Variants in SP9 observed in about 807,000 individuals in gnomAD.
SP9 encodes transcription factor Sp9.
SP9 carries 5 observed loss-of-function variants against 23.0 expected under a neutral mutation model. That is an observed-to-expected ratio of 0.22 (90% CI 0.11 to 0.46). The LOEUF (loss-of-function observed/expected upper bound fraction) is 0.46, where lower values mean the gene tolerates loss of function less well. Ranked by LOEUF, SP9 falls within the 20% of genes least tolerant of loss-of-function variation. The pLI, the probability that SP9 is intolerant of heterozygous loss-of-function variation, is 0.99. For missense variants in SP9, 542 were observed against 724.0 expected (o/e 0.75, Z 2.88); for synonymous variants, 360 against 356.5 (o/e 1.01, Z -0.11).
rs1684409775 is a variant in SP9 at position 174,336,266 on chromosome 2, T to A, written c.181T>A (p.Ser61Thr). The change falls in exon 2 of 2, where the codon TCC becomes ACC. Residue 61 changes from serine to threonine, a missense_variant. Ser to Thr is a moderately conservative substitution (Grantham distance 58). Around this residue, in one of 8 missense-constraint regions of SP9, gnomAD observed 201 missense variants for 226.3 expected, o/e 0.89. Transcript: ENST00000394967. ...CTCCTCGTCCAGCTGCAACCTCGGC[T>A]CCAGCCTCTCGGGCTTCGCGGTGGC... The part of the protein sequence containing the change: ...KRSSSSCNLG[S>T]SLSGFAVATG... 1 of 1,540,334 alleles carries A rather than the reference T, an allele frequency of 6.5e-7. No homozygotes were observed. Among genetic ancestry groups the A allele is most frequent in the African/African-American group, 1.4e-5 (1 of 71,634 alleles).
At position 174,336,239 on chromosome 2, in the gene SP9, C is replaced by G. The variant is rs776179735; in HGVS notation, c.154C>G (p.Arg52Gly). 47 of 1,547,818 alleles carry G rather than the reference C, an allele frequency of 3.0e-5. No homozygotes were observed. Among genetic ancestry groups the G allele is most frequent in the Non-Finnish European group, 3.9e-5 (45 of 1,145,674 alleles). Reference sequence around the variant, plus strand: ...CAAAGGCGGCTTTCACCCCTGGAAGCGCTCCTCGTCCAGCTGCAACCTCGG... The same window carrying G: ...CAAAGGCGGCTTTCACCCCTGGAAGGGCTCCTCGTCCAGCTGCAACCTCGG... Reference protein sequence around the residue: ...FAKGGFHPWKRSSSSCNLGSS... With the variant: ...FAKGGFHPWKGSSSSCNLGSS... The change falls in exon 2 of 2, where the codon CGC becomes GGC. Residue 52 changes from arginine to glycine, a missense_variant. Arg to Gly is a moderately radical substitution (Grantham distance 125). Around this residue, in one of 8 missense-constraint regions of SP9, gnomAD observed 201 missense variants for 226.3 expected, o/e 0.89. Transcript: ENST00000394967.
Position 174,336,202 on chromosome 2 carries a change from G to A in SP9, c.117G>A (p.Ser39=), listed in dbSNP as rs182685567. The A allele has an allele frequency of 2.9e-4, 448 of 1,550,388 alleles. No homozygotes were observed. The African/African-American group carries it at 5.6e-3, about 19-fold the overall frequency. Reference sequence around the variant, plus strand: ...GCCCGCTGACGACGCTGCCAGAGTCGAGCGCCTTCGCCAAAGGCGGCTTTC... The same window carrying A: ...GCCCGCTGACGACGCTGCCAGAGTCAAGCGCCTTCGCCAAAGGCGGCTTTC... ...NTSPLTTLPE[S]SAFAKGGFHP... Residue 39 remains serine, a synonymous_variant, in exon 2 of 2, where the codon TCG becomes TCA. Coordinates refer to ENST00000394967, the MANE Select transcript of SP9 (RefSeq NM_001145250.2).
At position 174,338,120 on chromosome 2, in the gene SP9, A is replaced by G. The variant is rs1306340476; in HGVS notation, c.*580A>G. 6.6e-6 allele frequency: 1 copy of G among 152,222 alleles called. No homozygotes were observed. Among genetic ancestry groups the G allele is most frequent in the East Asian group, 1.9e-4 (1 of 5,196 alleles). 9.4% of individuals were successfully genotyped at this position (152,222 alleles called of 1,614,324 possible). ...CTGCCTGATATCTACTTACAATGAG[A>G]CTTTTTTCCTAAAAAAGGAAGCATC... is the stretch of plus-strand genomic sequence containing the variant. On this transcript the variant is annotated 3_prime_UTR_variant, in exon 2 of 2. Coordinates refer to ENST00000394967, the MANE Select transcript of SP9 (RefSeq NM_001145250.2).
At position 174,337,275 on chromosome 2, in the gene SP9, G is replaced by T; in HGVS notation, c.1190G>T (p.Cys397Phe). 1 of 1,561,034 alleles carries T rather than the reference G, an allele frequency of 6.4e-7. No individual in the cohort carries two copies. Among genetic ancestry groups the T allele is most frequent in the Non-Finnish European group, 8.7e-7 (1 of 1,152,696 alleles). Residue 397 changes from cysteine (C) to phenylalanine (F), a missense_variant, in exon 2 of 2, where the codon TGC becomes TTC. Around this residue, in one of 8 missense-constraint regions of SP9, gnomAD observed 31 missense variants for 16.7 expected, o/e 1.85. Transcript: ENST00000394967. Reference sequence around the variant, plus strand: ...GAGAAGCGCTTCGCCTGTCCGGTGTGCAACAAGCGCTTCATGCGCAGCGAC... The same window carrying T: ...GAGAAGCGCTTCGCCTGTCCGGTGTTCAACAAGCGCTTCATGCGCAGCGAC... The part of the protein sequence containing the change: ...TGEKRFACPV[C>F]NKRFMRSDHL...
At position 174,336,678 on chromosome 2, in the gene SP9, G is replaced by T; in HGVS notation, c.593G>T (p.Gly198Val). 6.6e-7 allele frequency: 1 copy of T among 1,517,412 alleles called. No homozygotes were observed. The allele number at this position is 1,517,412 out of a possible 1,614,324, so 94.0% of individuals were successfully genotyped here. Residue 198 changes from glycine to valine, a missense_variant, in exon 2 of 2, where the codon GGG becomes GTG. By Grantham distance (109) the Gly-to-Val change is moderately radical. Around this residue, in one of 8 missense-constraint regions of SP9, gnomAD observed 144 missense variants for 158.7 expected, o/e 0.91. Transcript: ENST00000394967. The stretch of plus-strand genomic sequence containing the variant: ...TGGCTGGAAGTGCAGAACCCCGCTG[G>T]GGGGCTCCAGAGCTCGCTGCACTCG... Reference protein sequence around the residue: ...GSWLEVQNPAGGLQSSLHSGA... With the variant: ...GSWLEVQNPAVGLQSSLHSGA...
At chr2:174,335,362 C>A in intron 1 of SP9, 1 of 527,136 alleles carries the variant, frequency 1.9e-6, no homozygotes, top group East Asian at 2.9e-5. Flanking sequence ...CTAGAGGTTT[C>A]TTTTCTTCCC....
Position 174,337,547 on chromosome 2 carries a change from G to A in SP9, c.*7G>A, listed in dbSNP as rs1273631599. On this transcript the variant is annotated 3_prime_UTR_variant, in exon 2 of 2. Transcript: ENST00000394967. ...TGGCCCCAACGACTCTTAGAGGCCG[G>A]GCGAGAGGCGCGAGCACACAAGCGA... The A allele has an allele frequency of 1.7e-6, 2 of 1,156,114 alleles. No homozygotes were observed. Among genetic ancestry groups the A allele is most frequent in the Non-Finnish European group, 2.1e-6 (2 of 939,018 alleles). 71.6% of individuals were successfully genotyped at this position (1,156,114 alleles called of 1,614,324 possible). A position where few individuals can be genotyped will look rare whatever the true frequency, so the allele number is the denominator to read the frequency against.
chr2:174,337,565 A>G lies in SP9; in HGVS notation c.*25A>G. ...GAGGCCGGGCGAGAGGCGCGAGCACACAAGCGAGTAGAGACACCGAGAACG... is the reference window on the plus strand; with the variant it reads ...GAGGCCGGGCGAGAGGCGCGAGCACGCAAGCGAGTAGAGACACCGAGAACG... On this transcript the variant is annotated 3_prime_UTR_variant, in exon 2 of 2. Transcript: ENST00000394967. 2 of 1,146,796 alleles carry G rather than the reference A, an allele frequency of 1.7e-6. No homozygotes were observed. Among genetic ancestry groups the G allele is most frequent in the Non-Finnish European group, 2.1e-6 (2 of 934,484 alleles). The allele number at this position is 1,146,796 out of a possible 1,614,324, so 71.0% of individuals were successfully genotyped here. A position where few individuals can be genotyped will look rare whatever the true frequency, so the allele number is the denominator to read the frequency against.
rs1684403682 is a variant in SP9 at position 174,335,993 on chromosome 2, A to G, written c.22-114A>G. The stretch of plus-strand genomic sequence containing the variant: ...AGGAGGCGCGAGGCGGGGAGCCAGG[A>G]CCCCCCGGGAGCAGCCGCAGGGGAC... On this transcript the variant is annotated intron_variant, in intron 1 of 1. Coordinates refer to ENST00000394967, the MANE Select transcript of SP9 (RefSeq NM_001145250.2). The G allele has an allele frequency of 2.1e-6, 2 of 963,466 alleles. 1 individual carries two copies. The highest frequency in any genetic ancestry group is 3.5e-5 in the South Asian group (2 of 57,664). The allele number at this position is 963,466 out of a possible 1,614,324, so 59.7% of individuals were successfully genotyped here.
In SP9 at chr2:174,336,997, C is replaced by T. The variant is rs905259868; in HGVS notation, c.912C>T (p.Gly304=). 1.4e-6 allele frequency: 2 copies of T among 1,451,444 alleles called. No homozygotes were observed. Among genetic ancestry groups the T allele is most frequent in the Non-Finnish European group, 1.8e-6 (2 of 1,111,210 alleles). 89.9% of individuals were successfully genotyped at this position (1,451,444 alleles called of 1,614,324 possible). A position where few individuals can be genotyped will look rare whatever the true frequency, so the allele number is the denominator to read the frequency against. The change falls in exon 2 of 2, where the codon GGC becomes GGT. Residue 304 remains glycine (G), a synonymous_variant. Transcript: ENST00000394967. ...CACGCTCTGCCCGCCGCTACTCGGG[C>T]CGCGCCACCTGCGACTGCCCCAACT... ...SSARSARRYS[G]RATCDCPNCQ...
chr2:174,337,436 A>G lies in SP9; in HGVS notation c.1351A>G (p.Ser451Gly). 2.2e-6 allele frequency: 3 copies of G among 1,337,952 alleles called. No individual in the cohort carries two copies. The highest frequency in any genetic ancestry group is 2.0e-4 in the Middle Eastern group (1 of 5,022). 82.9% of individuals were successfully genotyped at this position (1,337,952 alleles called of 1,614,324 possible). A position where few individuals can be genotyped will look rare whatever the true frequency, so the allele number is the denominator to read the frequency against. Residue 451 changes from serine to glycine, a missense_variant, in exon 2 of 2, where the codon AGT becomes GGT. Ser to Gly is a moderately conservative substitution (Grantham distance 56). Around this residue, in one of 8 missense-constraint regions of SP9, gnomAD observed 55 missense variants for 56.1 expected, o/e 0.98. Transcript: ENST00000394967. ...PDLILHDSGV[S>G]AARAAAAAAA... ...CCTCATCCTGCATGACTCCGGCGTC[A>G]GTGCCGCCCGGGCGGCGGCAGCGGC...
chr2:174,335,083 G>C lies in SP9; in HGVS notation c.-10G>C, dbSNP rs1329352350. 1 of 1,551,644 alleles carries C rather than the reference G, an allele frequency of 6.4e-7. No individual in the cohort carries two copies. Among genetic ancestry groups the C allele is most frequent in the Non-Finnish European group, 8.7e-7 (1 of 1,146,882 alleles). ...CGCTCCCAGCCTCGCTGCGCAGCCAGAGACCTGCTATGGCCACGTCTATAC... is the reference window on the plus strand; with the variant it reads ...CGCTCCCAGCCTCGCTGCGCAGCCACAGACCTGCTATGGCCACGTCTATAC... On this transcript the variant is annotated 5_prime_UTR_variant, in exon 1 of 2. Transcript: ENST00000394967.
rs770414076 is a variant in SP9, at chr2:174,336,809, G to A, written c.724G>A (p.Ala242Thr). Residue 242 changes from alanine to threonine, a missense_variant, in exon 2 of 2, where the codon GCC (alanine) becomes ACC (threonine). Around this residue, in one of 8 missense-constraint regions of SP9, gnomAD observed 144 missense variants for 158.7 expected, o/e 0.91. Coordinates refer to ENST00000394967, the MANE Select transcript of SP9 (RefSeq NM_001145250.2). ...FSSTGLGSSAAAASHLLSTSQ... is the reference protein window; with the variant it reads ...FSSTGLGSSATAASHLLSTSQ... ...CTCCACGGGCCTCGGCTCCTCCGCC[G>A]CCGCCGCCTCCCACCTGCTCTCCAC... The A allele has an allele frequency of 6.4e-5, 98 of 1,528,486 alleles. No homozygotes were observed. The highest frequency in any genetic ancestry group is 8.4e-5 in the Non-Finnish European group (96 of 1,143,608). The allele number at this position is 1,528,486 out of a possible 1,614,324, so 94.7% of individuals were successfully genotyped here.
Position 174,337,690 on chromosome 2 carries a change from G to A in SP9, c.*150G>A. The A allele has an allele frequency of 1.0e-6, 1 of 972,704 alleles. No homozygotes were observed. Among genetic ancestry groups the A allele is most frequent in the Middle Eastern group, 3.6e-4 (1 of 2,772 alleles). 60.3% of individuals were successfully genotyped at this position (972,704 alleles called of 1,614,324 possible). On this transcript the variant is annotated 3_prime_UTR_variant, in exon 2 of 2. Coordinates refer to ENST00000394967, the MANE Select transcript of SP9 (RefSeq NM_001145250.2). ...TGGGCGCGAGGTGGAGCCGCTCAGGGCTCCCGGGCTGCGGTTCGCCCGCTG... is the reference window on the plus strand; with the variant it reads ...TGGGCGCGAGGTGGAGCCGCTCAGGACTCCCGGGCTGCGGTTCGCCCGCTG...
At position 174,337,455 on chromosome 2, in the gene SP9, C is replaced by T; in HGVS notation, c.1370C>T (p.Ala457Val). 1 of 1,247,186 alleles carries T rather than the reference C, an allele frequency of 8.0e-7. No homozygotes were observed. The highest frequency in any genetic ancestry group is 4.2e-5 in the Admixed American group (1 of 24,002). 77.3% of individuals were successfully genotyped at this position (1,247,186 alleles called of 1,614,324 possible). Residue 457 changes from alanine to valine, a missense_variant, in exon 2 of 2, where the codon GCA becomes GTA. Physicochemically the swap from Ala to Val is moderately conservative, Grantham distance 64. Around this residue, in one of 8 missense-constraint regions of SP9, gnomAD observed 55 missense variants for 56.1 expected, o/e 0.98. Transcript: ENST00000394967. ...DSGVSAARAAAAAAAAAAAAA... is the reference protein window; with the variant it reads ...DSGVSAARAAVAAAAAAAAAA... ...GGCGTCAGTGCCGCCCGGGCGGCGG[C>T]AGCGGCGGCGGCGGCAGCGGCGGCG...
rs1665810358 is a variant in SP9, at chr2:174,338,178, T to C, written c.*638T>C. The C allele has an allele frequency of 6.6e-6, 1 of 152,190 alleles. No individual in the cohort carries two copies. The highest frequency in any genetic ancestry group is 1.5e-5 in the Non-Finnish European group (1 of 68,038). The allele number at this position is 152,190 out of a possible 1,614,324, so 9.4% of individuals were successfully genotyped here. On this transcript the variant is annotated 3_prime_UTR_variant, in exon 2 of 2. Coordinates refer to ENST00000394967, the MANE Select transcript of SP9 (RefSeq NM_001145250.2). ...TTAAGGTGAGAAATTAAACTGGAAG[T>C]CTAGCGACAGTTTCTCTGTATTTCA...
intron 1 of SP9, 97 bp downstream of exon 1, chr2:174,335,210 C>T: frequency 7.4e-7 from 1 of 1,346,654 alleles, no homozygotes; most frequent in Non-Finnish European, 1.0e-6. Context: ...ACTGTTGCTG[C>T]TAGACTGCAG....
Position 174,337,598 on chromosome 2 carries a change from G to T in SP9, c.*58G>T. Reference sequence around the variant, plus strand: ...GTAGAGACACCGAGAACGAACGAGAGGTTCGGAGGGCGAGCGAGCGGGAGG... The same window carrying T: ...GTAGAGACACCGAGAACGAACGAGATGTTCGGAGGGCGAGCGAGCGGGAGG... On this transcript the variant is annotated 3_prime_UTR_variant, in exon 2 of 2. Coordinates refer to ENST00000394967, the MANE Select transcript of SP9 (RefSeq NM_001145250.2). 1 of 1,113,278 alleles carries T rather than the reference G, an allele frequency of 9.0e-7. No individual in the cohort carries two copies. Among genetic ancestry groups the T allele is most frequent in the Non-Finnish European group, 1.1e-6 (1 of 911,578 alleles). 69.0% of individuals were successfully genotyped at this position (1,113,278 alleles called of 1,614,324 possible).
At position 174,336,313 on chromosome 2, in the gene SP9, C is replaced by T; in HGVS notation, c.228C>T (p.Gly76=). ...TGGCCACCGGGGGCCGTGGCTCGGG[C>T]GGCCTGGCGGGCGGCTCGGGCGCCG... ...FAVATGGRGS[G]GLAGGSGAAN... The change falls in exon 2 of 2, where the codon GGC becomes GGT. Residue 76 remains glycine, a synonymous_variant. Transcript: ENST00000394967. 2 of 1,501,510 alleles carry T rather than the reference C, an allele frequency of 1.3e-6. No homozygotes were observed. Among genetic ancestry groups the T allele is most frequent in the Admixed American group, 2.2e-5 (1 of 44,688 alleles). The allele number at this position is 1,501,510 out of a possible 1,614,324, so 93.0% of individuals were successfully genotyped here. A position where few individuals can be genotyped will look rare whatever the true frequency, so the allele number is the denominator to read the frequency against.
Sources: gnomAD v4.1 joint callset for allele counts on GRCh38, gnomAD v4.1.1 for gene constraint, gnomAD v4.1.1 regional missense constraint, MANE v1.5 for transcripts, NCBI Gene and HGNC (gene_info 2026-07-23, HGNC 2026-07-21) for gene names.